SPIRE2: variants seen among roughly 807,000 people sequenced by gnomAD.
SPIRE2 encodes protein spire homolog 2.
A neutral mutation model predicts 80.7 loss-of-function variants in SPIRE2; 76 were observed. That is an observed-to-expected ratio of 0.94 (90% CI 0.78 to 1.14). The LOEUF (loss-of-function observed/expected upper bound fraction) is 1.14, where lower values mean the gene tolerates loss of function less well. Ranked by LOEUF, SPIRE2 falls within the 50% of genes most tolerant of loss-of-function variation. The probability of loss-of-function intolerance (pLI) is 0.00; values close to 1 mark genes in which losing one functional copy is unlikely to be tolerated. For missense variants in SPIRE2, 1,196 were observed against 1,015.3 expected (o/e 1.18, Z -2.42); for synonymous variants, 535 against 432.6 (o/e 1.24, Z -2.94).
At chr16:89,859,093 C>T (rs1340768564) in intron 8 of SPIRE2, 72 bp from the exon 9 acceptor site, 1 of 1,392,948 alleles carries the variant, frequency 7.2e-7, no homozygotes, top group African/African-American at 1.5e-5. Flanking sequence ...GGGTCCTCTG[C>T]TTCATTCCAG....
chr16:89,836,734 C>G (rs1297906513), intron 1 of SPIRE2, among the ~76,000 whole-genome samples: 1 of 151,598 alleles, frequency 6.6e-6, no homozygotes, highest in African/African-American at 2.4e-5. Context: ...CATCCCAGCA[C>G]TTTGGGAGGC....
intron 5 of SPIRE2, among the ~76,000 whole-genome samples, chr16:89,854,939 A>AT (rs59851949): frequency 0.58 from 87,329 of 149,786 alleles, 25,741 homozygotes; most frequent in East Asian, 0.76. Context: ...AGGCTGTAGG[A>AT]TTTTTTTTTT....
chr16:89,837,317 C>A (rs2041459913), intron 1 of SPIRE2, among the ~76,000 whole-genome samples: 1 of 152,156 alleles, frequency 6.6e-6, no homozygotes, highest in Admixed American at 6.5e-5. Context: ...GAGTTGAGGT[C>A]TCCGTGTCAG....
Position 89,870,362 on chromosome 16 carries a change from A to G in SPIRE2, c.*90A>G. 2 of 685,932 alleles carry G rather than the reference A, an allele frequency of 2.9e-6. No individual in the cohort carries two copies. The highest frequency in any genetic ancestry group is 3.6e-5 in the South Asian group (2 of 56,046). 42.5% of individuals were successfully genotyped at this position (685,932 alleles called of 1,614,324 possible). On this transcript the variant is annotated 3_prime_UTR_variant, in exon 15 of 15. Coordinates refer to ENST00000378247, the MANE Select transcript of SPIRE2 (RefSeq NM_032451.2). The stretch of plus-strand genomic sequence containing the variant: ...GAGCTGTGCATGTACATATATACAT[A>G]TATAGATACATTTATAATATATACA...
intron 3 of SPIRE2, among the ~76,000 whole-genome samples, chr16:89,853,015 G>C (rs942533263): frequency 6.8e-6 from 1 of 147,088 alleles, no homozygotes; most frequent in African/African-American, 2.5e-5. Context: ...TCACCCTCAA[G>C]ATCCCATGGC....
chr16:89,834,775 G>A (rs1449479509), intron 1 of SPIRE2, among the ~76,000 whole-genome samples: 9 of 99,928 alleles, frequency 9.0e-5, no homozygotes, highest in Non-Finnish European at 1.6e-4. Context: ...GTAGAAGTGT[G>A]GATAAGCATA....
chr16:89,857,772 G>C lies in SPIRE2; in HGVS notation c.1103-566G>C, dbSNP rs2143817493. 2.0e-5 allele frequency among the ~76,000 whole-genome samples: 3 copies of C among 151,508 alleles called. 1 individual carries two copies. In the South Asian group the frequency reaches 6.2e-4, roughly 32 times the overall value. On this transcript the variant is annotated intron_variant, in intron 7 of 14. Transcript: ENST00000378247. ...TTTAGTAGAGACGGGGTTTCTCCAT[G>C]TTGGTCAGGCTGGTCTCAAACTCTT...
At chr16:89,845,438 A>G in intron 2 of SPIRE2, 73 bp downstream of exon 2, 1 of 1,324,930 alleles carries the variant, frequency 7.5e-7, no homozygotes. Flanking sequence ...TGTAAATCAT[A>G]AAACATATAT....
intron 8 of SPIRE2, 126 bp downstream of exon 8, chr16:89,858,633 C>A: frequency 1.1e-6 from 1 of 908,208 alleles, no homozygotes; most frequent in African/African-American, 1.7e-5. Flanking sequence ...GGAGCCCTCC[C>A]TTGAAACTGA....
At chr16:89,843,590 T>C (rs1313903279) in intron 1 of SPIRE2, among the ~76,000 whole-genome samples, 2 of 144,442 alleles carry the variant, frequency 1.4e-5, no homozygotes, top group South Asian at 2.3e-4. Flanking sequence ...CCCAGGCAGG[T>C]GGTGTGTCTC....
intron 1 of SPIRE2, among the ~76,000 whole-genome samples, chr16:89,831,922 C>T (rs71374196): frequency 0.055 from 7,701 of 139,752 alleles, 579 homozygotes; most frequent in African/African-American, 0.14. Context: ...GTTCATCTCG[C>T]GGCCTGTGTT....
chr16:89,840,507 C>T (rs1043741585), intron 1 of SPIRE2, among the ~76,000 whole-genome samples: 2 of 151,310 alleles, frequency 1.3e-5, no homozygotes, highest in Middle Eastern at 3.4e-3. Flanking sequence ...CCTCGGCCTC[C>T]CAAAGTGCTG....
In SPIRE2 at chr16:89,870,323, G is replaced by C; in HGVS notation, c.*51G>C. ...GAGGCACCAGGCAGGCCCTGTATCA[G>C]GCTAGGACGCTCTGAGCTGTGCATG... On this transcript the variant is annotated 3_prime_UTR_variant, in exon 15 of 15. Coordinates refer to ENST00000378247, the MANE Select transcript of SPIRE2 (RefSeq NM_032451.2). 8.2e-7 allele frequency: 1 copy of C among 1,217,636 alleles called. No homozygotes were observed. Among genetic ancestry groups the C allele is most frequent in the Non-Finnish European group, 1.2e-6 (1 of 847,764 alleles). 75.4% of individuals were successfully genotyped at this position (1,217,636 alleles called of 1,614,324 possible). A position where few individuals can be genotyped will look rare whatever the true frequency, so the allele number is the denominator to read the frequency against.
At chr16:89,838,077 G>C (rs1388121563) in intron 1 of SPIRE2, among the ~76,000 whole-genome samples, 1 of 150,678 alleles carries the variant, frequency 6.6e-6, no homozygotes, top group East Asian at 1.9e-4. Context: ...TCAGCTCACT[G>C]CAGTCTCCGC....
At chr16:89,840,883 T>G (rs1179829048) in intron 1 of SPIRE2, among the ~76,000 whole-genome samples, 2 of 150,530 alleles carry the variant, frequency 1.3e-5, no homozygotes, top group Non-Finnish European at 3.0e-5. Flanking sequence ...ATGATCCGCC[T>G]GCCTCGGCCT....
rs1185522189 is a variant in SPIRE2 at position 89,869,045 on chromosome 16, A to ACAT, written c.1807-522_1807-521insCAT. The stretch of plus-strand genomic sequence containing the variant: ...GATCTGTGTCTTAAAAAAAAAAAAA[A>ACAT]AAAAAAAAATATATATATATATATA... On this transcript the variant is annotated intron_variant, in intron 13 of 14. Coordinates refer to ENST00000378247, the MANE Select transcript of SPIRE2 (RefSeq NM_032451.2). Among the ~76,000 whole-genome samples the ACAT allele has an allele frequency of 1.4e-3, 51 of 37,178 alleles. 13 individuals are homozygous for ACAT. In the East Asian group the frequency reaches 0.049, roughly 36 times the overall value. The allele number at this position is 37,178 out of a possible 152,430, so 24.4% of individuals were successfully genotyped here. A position where few individuals can be genotyped will look rare whatever the true frequency, so the allele number is the denominator to read the frequency against.
rs1567680019 is a variant in SPIRE2, at chr16:89,869,918, T to G, written c.1923-132T>G. Reference sequence around the variant, plus strand: ...CTGAGATGAACACTGCTAGCTGTGTTTGTTGCCTGAGGGCCAAGGGGAGGC... The same window carrying G: ...CTGAGATGAACACTGCTAGCTGTGTGTGTTGCCTGAGGGCCAAGGGGAGGC... On this transcript the variant is annotated intron_variant, in intron 14 of 14. Coordinates refer to ENST00000378247, the MANE Select transcript of SPIRE2 (RefSeq NM_032451.2). 5.1e-6 allele frequency: 4 copies of G among 792,060 alleles called. No homozygotes were observed. In the Admixed American group the frequency reaches 8.8e-5, roughly 17 times the overall value. The allele number at this position is 792,060 out of a possible 1,614,324, so 49.1% of individuals were successfully genotyped here. A position where few individuals can be genotyped will look rare whatever the true frequency, so the allele number is the denominator to read the frequency against.
intron 2 of SPIRE2, chr16:89,845,712 A>C: frequency 1.5e-6 from 1 of 645,876 alleles, no homozygotes; most frequent in Non-Finnish European, 2.8e-6. Flanking sequence ...TCAGGTGCAA[A>C]CAGGAAAAAT....
chr16:89,864,995 CT>C (rs201278464), intron 12 of SPIRE2, among the ~76,000 whole-genome samples: 8,440 of 143,594 alleles, frequency 0.059, 443 homozygotes, highest in East Asian at 0.24. Context: ...TGGAAGTATA[CT>C]TTTTTTCCTT....
Sources: allele counts gnomAD v4.1 joint callset (sites outside exome capture counted in the v4.1 genomes callset), GRCh38; gene constraint gnomAD v4.1.1; transcripts MANE v1.5; gene names NCBI Gene and HGNC (gene_info 2026-07-23, HGNC 2026-07-21).